The following HS3ST3A1 variants were observed in gnomAD, a reference collection of about 807,000 sequenced individuals.
The protein encoded by HS3ST3A1 is heparan sulfate-glucosamine 3-sulfotransferase 3A1, also known as heparan sulfate glucosamine 3-O-sulfotransferase 3A1.
Under a neutral mutation model 25.7 loss-of-function variants are expected in HS3ST3A1, and 19 were observed. The observed-to-expected ratio is 0.74, with a 90% confidence interval of 0.52 to 1.08. The LOEUF is 1.08. HS3ST3A1 is among the 50% of genes least tolerant of loss of function. The pLI is 0.00. For synonymous variants in HS3ST3A1, 226 were observed against 278.6 expected, an observed-to-expected ratio of 0.81 and a Z score of 1.88; for missense variants, 459 against 594.3, an observed-to-expected ratio of 0.77 and a Z score of 2.37.
rs1024554136 is a variant in HS3ST3A1 at position 13,600,533 on chromosome 17, G to A, written c.597C>T (p.Tyr199=). ...CAGCCCGGGCCCGCCCCGCTCACCGGTACCAGGCGAGGCCCTTGTCGTAGC... is the reference window on the plus strand; with the variant it reads ...CAGCCCGGGCCCGCCCCGCTCACCGATACCAGGCGAGGCCCTTGTCGTAGC... ...DRSYDKGLAW[Y]RDLMPRTLDG... The change falls in exon 1 of 2, where the codon TAC becomes TAT. Residue 199 remains tyrosine, a splice_region_variant and synonymous_variant. Transcript: ENST00000284110. 4.4e-6 allele frequency: 7 copies of A among 1,595,306 alleles called. No individual in the cohort carries two copies. The highest frequency in any genetic ancestry group is 3.4e-5 in the Admixed American group (2 of 59,246).
rs188748193 is a variant in HS3ST3A1 at position 13,593,201 on chromosome 17, C to T, written c.599+7330G>A. On this transcript the variant is annotated intron_variant, in intron 1 of 1. Transcript: ENST00000284110. ...TATTTTCCCTATAACCAGCTTTCAA[C>T]CACTGACACCTGTTCCTTCTATGTT... 2.0e-3 allele frequency among the ~76,000 whole-genome samples: 286 copies of T among 146,204 alleles called. 2 individuals carry two copies. Among genetic ancestry groups the T allele is most frequent in the African/African-American group, 7.0e-3 (278 of 39,458 alleles).
intron 1 of HS3ST3A1, among the ~76,000 whole-genome samples, chr17:13,590,971 G>A (rs1908408331): frequency 6.6e-6 from 1 of 151,962 alleles, no homozygotes; most frequent in Non-Finnish European, 1.5e-5. Flanking sequence ...GCCACGGCAC[G>A]CAGGCCTCAG....
At chr17:13,553,288 G>A (rs895171121) in intron 1 of HS3ST3A1, among the ~76,000 whole-genome samples, 3 of 152,200 alleles carry the variant, frequency 2.0e-5, no homozygotes, top group Non-Finnish European at 4.4e-5. Flanking sequence ...GCCCCAGCAG[G>A]TGCAGCATTG....
At chr17:13,499,346 C>T (rs1905383101) in intron 1 of HS3ST3A1, among the ~76,000 whole-genome samples, 1 of 152,130 alleles carries the variant, frequency 6.6e-6, no homozygotes, top group Admixed American at 6.5e-5. Context: ...CCAGAGATGG[C>T]TGGAATTTCT....
intron 1 of HS3ST3A1, among the ~76,000 whole-genome samples, chr17:13,525,959 C>T (rs1314573313): frequency 6.6e-6 from 1 of 151,960 alleles, no homozygotes; most frequent in Non-Finnish European, 1.5e-5. Context: ...ACTGGTATGC[C>T]AAGGCTGAGA....
Position 13,601,393 on chromosome 17 carries a change from A to C in HS3ST3A1, c.-264T>G, listed in dbSNP as rs1311763379. ...TCCGTGCTTAAGAAACCATCGTCTT[A>C]GACTCGCCCAAGTCCTGAGCTTGGG... is the stretch of plus-strand genomic sequence containing the variant. On this transcript the variant is annotated 5_prime_UTR_variant, in exon 1 of 2. Coordinates refer to ENST00000284110, the MANE Select transcript of HS3ST3A1 (RefSeq NM_006042.3). The C allele has an allele frequency of 2.1e-5, 9 of 419,058 alleles. No individual in the cohort carries two copies. The highest frequency in any genetic ancestry group is 2.9e-5 in the Non-Finnish European group (7 of 238,528). The allele number at this position is 419,058 out of a possible 1,614,324, so 26.0% of individuals were successfully genotyped here. A position where few individuals can be genotyped will look rare whatever the true frequency, so the allele number is the denominator to read the frequency against.
intron 1 of HS3ST3A1, among the ~76,000 whole-genome samples, chr17:13,586,245 C>T (rs1908265102): frequency 6.6e-6 from 1 of 152,072 alleles, no homozygotes; most frequent in South Asian, 2.1e-4. Flanking sequence ...TGTTATAAGT[C>T]CTACTTCTGA....
intron 1 of HS3ST3A1, among the ~76,000 whole-genome samples, chr17:13,499,450 A>AT (rs1032382164): frequency 8.6e-5 from 13 of 151,860 alleles, no homozygotes; most frequent in South Asian, 4.2e-4. Flanking sequence ...GTATTTATAG[A>AT]TTTTTTTTTG....
chr17:13,586,018 T>G (rs924467169), intron 1 of HS3ST3A1, among the ~76,000 whole-genome samples: 4 of 151,422 alleles, frequency 2.6e-5, no homozygotes, highest in African/African-American at 9.7e-5. Flanking sequence ...CCGGCTAATT[T>G]TTTGTATTTT....
intron 1 of HS3ST3A1, among the ~76,000 whole-genome samples, chr17:13,544,747 G>C (rs1427198806): frequency 2.1e-5 from 3 of 143,012 alleles, no homozygotes; most frequent in Non-Finnish European, 4.5e-5. Flanking sequence ...AGTTTTCTAA[G>C]AGGATCTGCA....
At chr17:13,547,963 AC>A (rs1369894393) in intron 1 of HS3ST3A1, among the ~76,000 whole-genome samples, 2 of 144,658 alleles carry the variant, frequency 1.4e-5, no homozygotes, top group African/African-American at 2.8e-5. Flanking sequence ...AAAAAAAAAA[AC>A]CACACGTTTG....
At chr17:13,513,695 C>A (rs1598410396) in intron 1 of HS3ST3A1, among the ~76,000 whole-genome samples, 1 of 152,164 alleles carries the variant, frequency 6.6e-6, no homozygotes, top group Non-Finnish European at 1.5e-5. Context: ...TAAATTGCTG[C>A]GCAGTATCCT....
intron 1 of HS3ST3A1, among the ~76,000 whole-genome samples, chr17:13,527,926 C>T (rs550822269): frequency 6.6e-6 from 1 of 152,296 alleles, no homozygotes; most frequent in South Asian, 2.1e-4. Context: ...CAATGACCTA[C>T]TGCAGATATC....
At chr17:13,550,773 A>T (rs1342872850) in intron 1 of HS3ST3A1, among the ~76,000 whole-genome samples, 1 of 152,208 alleles carries the variant, frequency 6.6e-6, no homozygotes, top group Non-Finnish European at 1.5e-5. Context: ...GATATTTTTT[A>T]AAAATTCAAA....
intron 1 of HS3ST3A1, among the ~76,000 whole-genome samples, chr17:13,506,542 A>G (rs1330973359): frequency 1.3e-5 from 2 of 152,250 alleles, no homozygotes; most frequent in African/African-American, 4.8e-5. Flanking sequence ...TTCAAAATCA[A>G]TGAGATCTGA....
intron 1 of HS3ST3A1, among the ~76,000 whole-genome samples, chr17:13,506,649 A>C (rs1428115504): frequency 6.6e-6 from 1 of 152,248 alleles, no homozygotes; most frequent in Non-Finnish European, 1.5e-5. Flanking sequence ...GGGCAGCAGA[A>C]AGACCAGGAA....
intron 1 of HS3ST3A1, among the ~76,000 whole-genome samples, chr17:13,542,202 C>T (rs368244122): frequency 5.9e-5 from 9 of 152,030 alleles, no homozygotes; most frequent in African/African-American, 2.2e-4. Flanking sequence ...TGGCGTGCAC[C>T]TGCAGTCCCA....
chr17:13,582,061 T>C (rs1394721592), intron 1 of HS3ST3A1, among the ~76,000 whole-genome samples: 3 of 152,272 alleles, frequency 2.0e-5, no homozygotes, highest in South Asian at 2.1e-4. Flanking sequence ...AAAAAGACTT[T>C]CCTGGCAAAC....
At position 13,600,517 on chromosome 17, in the gene HS3ST3A1, C is replaced by A. The variant is rs368514718; in HGVS notation, c.599+14G>T. On this transcript the variant is annotated intron_variant, in intron 1 of 1. Transcript: ENST00000284110. ...CCGGATCCTTCAGCCCCAGCCCGGG[C>A]CCGCCCCGCTCACCGGTACCAGGCG... 3.4e-5 allele frequency: 54 copies of A among 1,582,352 alleles called. No individual in the cohort carries two copies. Among genetic ancestry groups the A allele is most frequent in the Non-Finnish European group, 4.4e-5 (52 of 1,171,038 alleles).
Sources: allele counts gnomAD v4.1 joint callset (sites outside exome capture counted in the v4.1 genomes callset), GRCh38; gene constraint gnomAD v4.1.1; transcripts MANE v1.5; gene names NCBI Gene and HGNC (gene_info 2026-07-23, HGNC 2026-07-21).